Variants in DTNA observed in about 807,000 individuals in gnomAD.
DTNA encodes the protein dystrobrevin alpha, also known as dystrophin-related protein 3.
Under a neutral mutation model 100.7 loss-of-function variants are expected in DTNA, and 43 were observed. The observed-to-expected ratio is 0.43, with a 90% CI of 0.33 to 0.55. DTNA has a LOEUF of 0.55. DTNA is among the 20% of genes least tolerant of loss of function. The pLI is 0.04. For missense variants in DTNA, 798 were observed against 953.9 expected, an observed-to-expected ratio of 0.84 and a Z score of 2.15; for synonymous variants, 349 against 347.9, an observed-to-expected ratio of 1.00 and a Z score of -0.04.
chr18:34,558,350 C>G (rs927614317), intron 1 of DTNA, among the ~76,000 whole-genome samples: 1 of 152,188 alleles, frequency 6.6e-6, no homozygotes, highest in Non-Finnish European at 1.5e-5. Context: ...ACCCTGGGAG[C>G]TGTAGACTGG....
At chr18:34,625,062 TC>T (rs1247438919) in intron 1 of DTNA, among the ~76,000 whole-genome samples, 1 of 145,012 alleles carries the variant, frequency 6.9e-6, no homozygotes, top group African/African-American at 2.6e-5. Flanking sequence ...TGAGACAGAG[TC>T]CCACTCTGTC....
At chr18:34,550,704 CT>C (rs1369635756) in intron 1 of DTNA, among the ~76,000 whole-genome samples, 1 of 152,106 alleles carries the variant, frequency 6.6e-6, no homozygotes, top group Non-Finnish European at 1.5e-5. Context: ...GTGATTTCAA[CT>C]CTTCATGTAT....
intron 9 of DTNA, among the ~76,000 whole-genome samples, chr18:34,824,333 G>A (rs1053619468): frequency 2.6e-5 from 4 of 152,036 alleles, no homozygotes; most frequent in African/African-American, 4.8e-5. Context: ...AAAAATAGCC[G>A]GGCGTGGTGG....
chr18:34,595,959 T>G (rs1049304103), intron 1 of DTNA, among the ~76,000 whole-genome samples: 3 of 152,208 alleles, frequency 2.0e-5, no homozygotes, highest in African/African-American at 7.2e-5. Flanking sequence ...TGACCTTTCA[T>G]GACACCAGCA....
At chr18:34,721,562 T>C (rs1160011611) in intron 1 of DTNA, among the ~76,000 whole-genome samples, 2 of 152,060 alleles carry the variant, frequency 1.3e-5, no homozygotes, top group East Asian at 1.9e-4. Flanking sequence ...AAGAAAATAA[T>C]CTAGCTTCTA....
At chr18:34,534,324 A>AT (rs1322133740) in intron 1 of DTNA, among the ~76,000 whole-genome samples, 2 of 152,038 alleles carry the variant, frequency 1.3e-5, no homozygotes, top group African/African-American at 4.8e-5. Context: ...TTAAAATAGT[A>AT]TTTTTTAATA....
At chr18:34,847,590 CAGT>C (rs2096402897) in intron 13 of DTNA, among the ~76,000 whole-genome samples, 1 of 152,182 alleles carries the variant, frequency 6.6e-6, no homozygotes. Context: ...AAGGCTCTAC[CAGT>C]GGGGATCCAT....
rs376519672 is a variant in DTNA at position 34,815,980 on chromosome 18, G to C, written c.675G>C (p.Leu225Phe). 1 of 1,613,704 alleles carries C rather than the reference G, an allele frequency of 6.2e-7. No homozygotes were observed. Among genetic ancestry groups the C allele is most frequent in the Admixed American group, 1.7e-5 (1 of 59,984 alleles). ...SDPPPQCLVW[L>F]PLLHRLANVE... The stretch of plus-strand genomic sequence containing the variant: ...CTCCCCCGCAGTGTCTGGTCTGGTT[G>C]CCTCTTCTGCATCGACTAGCAAATG... Residue 225 changes from leucine (L) to phenylalanine (F), a missense_variant, in exon 7 of 23, where the codon TTG becomes TTC. Physicochemically the swap from Leu to Phe is conservative, Grantham distance 22. Around this residue, in one of 6 missense-constraint regions of DTNA, gnomAD observed 81 missense variants for 153.5 expected, o/e 0.53. Coordinates refer to ENST00000444659, the MANE Select transcript of DTNA (RefSeq NM_001386795.1).
chr18:34,723,403 C>A (rs189117293), intron 1 of DTNA, among the ~76,000 whole-genome samples: 1 of 151,964 alleles, frequency 6.6e-6, no homozygotes, highest in African/African-American at 2.4e-5. Context: ...TATACATAGA[C>A]GGTATATTTG....
chr18:34,715,131 A>G (rs909578239), intron 1 of DTNA, among the ~76,000 whole-genome samples: 1 of 151,794 alleles, frequency 6.6e-6, no homozygotes, highest in Non-Finnish European at 1.5e-5. Context: ...TGGGTGCAGC[A>G]CACCAGCATG....
intron 1 of DTNA, among the ~76,000 whole-genome samples, chr18:34,517,586 A>G (rs998254709): frequency 1.3e-5 from 2 of 151,836 alleles, no homozygotes; most frequent in African/African-American, 4.8e-5. Flanking sequence ...TTTTATATCC[A>G]TGCTCATTTC....
Position 34,890,613 on chromosome 18 carries a change from T to C in DTNA, c.*2879T>C. On this transcript the variant is annotated 3_prime_UTR_variant, in exon 23 of 23. Coordinates refer to ENST00000444659, the MANE Select transcript of DTNA (RefSeq NM_001386795.1). ...ACCCTCCTCCACAGCGCCATATTAA[T>C]GGAGGAGGGGAGGAAGGTGAAATCT... 9.9e-7 allele frequency: 1 copy of C among 1,015,176 alleles called. No homozygotes were observed. The highest frequency in any genetic ancestry group is 1.4e-6 in the Non-Finnish European group (1 of 717,526). The allele number at this position is 1,015,176 out of a possible 1,614,324, so 62.9% of individuals were successfully genotyped here.
At chr18:34,865,700 A>T (rs778507631) in intron 17 of DTNA, among the ~76,000 whole-genome samples, 4 of 152,224 alleles carry the variant, frequency 2.6e-5, no homozygotes, top group Non-Finnish European at 5.9e-5. Context: ...GACTGAACCT[A>T]TCTTTCCCCT....
At chr18:34,729,338 G>A (rs973154173) in intron 1 of DTNA, among the ~76,000 whole-genome samples, 7 of 152,190 alleles carry the variant, frequency 4.6e-5, no homozygotes, top group African/African-American at 9.6e-5. Flanking sequence ...CCTCTAAAAT[G>A]TTTTGTCTTC....
intron 1 of DTNA, among the ~76,000 whole-genome samples, chr18:34,724,854 C>G (rs1034644554): frequency 1.3e-5 from 2 of 152,084 alleles, no homozygotes; most frequent in African/African-American, 2.4e-5. Flanking sequence ...CTACAGTAAA[C>G]AAAACAGCAT....
chr18:34,581,570 A>G (rs1391210814), intron 1 of DTNA, among the ~76,000 whole-genome samples: 1 of 151,720 alleles, frequency 6.6e-6, no homozygotes, highest in Non-Finnish European at 1.5e-5. Flanking sequence ...CTTTTAGAAC[A>G]CTGCACTGTA....
intron 1 of DTNA, chr18:34,514,075 A>G (rs1472777728): frequency 6.6e-6 from 1 of 152,150 alleles, no homozygotes; most frequent in Non-Finnish European, 1.5e-5. Context: ...AATTCACTCC[A>G]CAGTGGCTAT....
Position 34,834,499 on chromosome 18 carries a change from G to A in DTNA, c.1176-3595G>A, listed in dbSNP as rs558009145. Among the ~76,000 whole-genome samples, 173 of 151,166 alleles carry A rather than the reference G, an allele frequency of 1.1e-3. 1 individual carries two copies. Among genetic ancestry groups the A allele is most frequent in the Non-Finnish European group, 1.2e-3 (80 of 67,806 alleles). On this transcript the variant is annotated intron_variant, in intron 11 of 22. Coordinates refer to ENST00000444659, the MANE Select transcript of DTNA (RefSeq NM_001386795.1). ...GCCTGGGCAACAAGAGTGAAACTCC[G>A]TCTCAAAAAAAAAAAAGAGGTTTAT... is the stretch of plus-strand genomic sequence containing the variant.
At chr18:34,548,462 CTT>C (rs1162561165) in intron 1 of DTNA, among the ~76,000 whole-genome samples, 1 of 152,032 alleles carries the variant, frequency 6.6e-6, no homozygotes, top group Non-Finnish European at 1.5e-5. Flanking sequence ...TTGAGGAAAA[CTT>C]GATGATAATT....
Sources: allele counts gnomAD v4.1 joint callset (sites outside exome capture counted in the v4.1 genomes callset), GRCh38; gene constraint gnomAD v4.1.1; regional missense constraint gnomAD v4.1.1; transcripts MANE v1.5; gene names NCBI Gene and HGNC (gene_info 2026-07-23, HGNC 2026-07-21).